The following TERF1 variants were observed in gnomAD, a reference collection of about 807,000 sequenced individuals.
TERF1 encodes telomeric repeat-binding factor 1.
A neutral mutation model predicts 55.1 loss-of-function variants in TERF1; 20 were observed. The ratio of observed to expected loss-of-function variants is 0.36; its 90% CI spans 0.26 to 0.53. The LOEUF (loss-of-function observed/expected upper bound fraction) is 0.53, where lower values mean the gene tolerates loss of function less well. TERF1 is among the 20% of genes least tolerant of loss of function. TERF1 has a pLI of 0.91. For synonymous variants in TERF1, 168 were observed against 181.2 expected, an observed-to-expected ratio of 0.93 and a Z score of 0.59; for missense variants, 439 against 535.7, an observed-to-expected ratio of 0.82 and a Z score of 1.78.
chr8:73,008,941 A>T lies in TERF1; in HGVS notation c.55A>T (p.Arg19Trp). 6.2e-7 allele frequency: 1 copy of T among 1,612,774 alleles called. No homozygotes were observed. The highest frequency in any genetic ancestry group is 8.5e-7 in the Non-Finnish European group (1 of 1,179,646). The change falls in exon 1 of 10, where the codon AGG becomes TGG. Residue 19 changes from arginine (R) to tryptophan (W), a missense_variant. By Grantham distance (101) the Arg-to-Trp change is moderately radical. Transcript: ENST00000276603. ...APSPRGCADG[R>W]DADPTEEQMA... Reference sequence around the variant, plus strand: ...GAGCCCGCGGGGCTGTGCGGATGGTAGGGATGCCGACCCTACTGAGGAGCA... The same window carrying T: ...GAGCCCGCGGGGCTGTGCGGATGGTTGGGATGCCGACCCTACTGAGGAGCA...
In TERF1 at chr8:73,034,196, A is replaced by G. The variant is rs1454258449; in HGVS notation, c.1039+2063A>G. 2.0e-5 allele frequency among the ~76,000 whole-genome samples: 3 copies of G among 152,128 alleles called. No homozygotes were observed. The East Asian group carries it at 5.8e-4, about 29-fold the overall frequency. On this transcript the variant is annotated intron_variant, in intron 8 of 9. Transcript: ENST00000276603. The stretch of plus-strand genomic sequence containing the variant: ...ACCCTGGCTGGAGTGTGGTGGATCA[A>G]TCTCGGCTCACTGCAACCTCCATTT...
At chr8:73,037,712 T>C (rs1339490394) in intron 8 of TERF1, among the ~76,000 whole-genome samples, 10 of 81,530 alleles carry the variant, frequency 1.2e-4, no homozygotes, top group Admixed American at 4.1e-4. Flanking sequence ...TATTATATTA[T>C]ATATAATATA....
intron 3 of TERF1, among the ~76,000 whole-genome samples, chr8:73,021,470 GTCTT>G (rs1808749808): frequency 6.6e-6 from 1 of 152,126 alleles, no homozygotes; most frequent in Non-Finnish European, 1.5e-5. Context: ...GAGAAAGCAA[GTCTT>G]TCTTAATACA....
At chr8:73,010,345 A>G (rs1321212587) in intron 1 of TERF1, 2 of 152,170 alleles carry the variant, frequency 1.3e-5, no homozygotes, top group Non-Finnish European at 2.9e-5. Context: ...AGCCAGGGAT[A>G]ATTAACATTA....
chr8:73,023,722 A>G (rs1808865366), intron 4 of TERF1, among the ~76,000 whole-genome samples: 2 of 152,234 alleles, frequency 1.3e-5, no homozygotes, highest in Non-Finnish European at 2.9e-5. Flanking sequence ...TTGCCTCATT[A>G]GGGCAATATT....
chr8:73,042,717 T>G (rs1809882634), intron 9 of TERF1, among the ~76,000 whole-genome samples: 1 of 152,198 alleles, frequency 6.6e-6, no homozygotes, highest in Non-Finnish European at 1.5e-5. Flanking sequence ...GCATTATTTG[T>G]TCTTTAGAAT....
intron 5 of TERF1, among the ~76,000 whole-genome samples, chr8:73,025,574 G>A (rs1233315806): frequency 4.6e-5 from 7 of 151,766 alleles, no homozygotes; most frequent in African/African-American, 1.7e-4. Context: ...CTAACATGGT[G>A]AAACCCCGTC....
rs1809034724 is a variant in TERF1, at chr8:73,026,998, C to T, written c.833C>T (p.Pro278Leu). The T allele has an allele frequency of 6.2e-7, 1 of 1,612,240 alleles. No homozygotes were observed. The highest frequency in any genetic ancestry group is 1.7e-5 in the Admixed American group (1 of 59,924). ...AGAACAATAACTTCTCAAGATAAAC[C>T]TAGTGGTAATGATGTTGAAATGGAA... Reference protein sequence around the residue: ...RTRTITSQDKPSGNDVEMETE... With the variant: ...RTRTITSQDKLSGNDVEMETE... Residue 278 changes from proline (P) to leucine (L), a missense_variant, in exon 6 of 10, where the codon CCT (proline) becomes CTT (leucine). Transcript: ENST00000276603.
intron 8 of TERF1, among the ~76,000 whole-genome samples, chr8:73,034,475 T>A (rs1905078): frequency 1.3e-5 from 2 of 151,970 alleles, no homozygotes. Context: ...ATGTTGCCCC[T>A]GCAGGTCTCT....
At chr8:73,026,898 G>A in intron 5 of TERF1, 42 bp from the exon 6 acceptor site, 2 of 1,432,788 alleles carry the variant, frequency 1.4e-6, no homozygotes, top group Non-Finnish European at 2.0e-6. Context: ...ATGGCTTAAT[G>A]CATTTCTTCC....
In TERF1 at chr8:73,009,047, C is replaced by T. The variant is rs760314774; in HGVS notation, c.161C>T (p.Pro54Leu). 8.8e-5 allele frequency: 141 copies of T among 1,608,710 alleles called. 1 individual carries two copies. The South Asian group carries it at 1.1e-3, about 13-fold the overall frequency. ...LLECQVQVGAPEEEEEEEEDA... is the reference protein window; with the variant it reads ...LLECQVQVGALEEEEEEEEDA... ...GAGTGCCAGGTGCAGGTGGGGGCCC[C>T]CGAGGAGGAGGAGGAGGAGGAGGAG... The change falls in exon 1 of 10, where the codon CCC (proline) becomes CTC (leucine). Residue 54 changes from proline to leucine, a missense_variant. Physicochemically the swap from Pro to Leu is moderately conservative, Grantham distance 98. Around this residue, in one of 4 missense-constraint regions of TERF1, gnomAD observed 179 missense variants for 152.6 expected, o/e 1.17. Transcript: ENST00000276603.
chr8:73,031,994 C>T, intron 7 of TERF1, 48 bp from the exon 8 acceptor site: 1 of 1,325,300 alleles, frequency 7.5e-7, no homozygotes, highest in Non-Finnish European at 1.1e-6. Context: ...TTTCCATTGC[C>T]TTACTATCTT....
rs1166118982 is a variant in TERF1 at position 73,037,794 on chromosome 8, AG to A, written c.1040-1321del. 2.2e-3 allele frequency among the ~76,000 whole-genome samples: 33 copies of A among 15,296 alleles called. 2 individuals are homozygous for A. Among genetic ancestry groups the A allele is most frequent in the African/African-American group, 6.1e-3 (31 of 5,090 alleles). The allele number at this position is 15,296 out of a possible 152,430, so 10.0% of individuals were successfully genotyped here. ...AATATATATATTATATATAATATAT[AG>A]TATAATAATATATATATTATATATA... On this transcript the variant is annotated intron_variant, in intron 8 of 9. Coordinates refer to ENST00000276603, the MANE Select transcript of TERF1 (RefSeq NM_017489.3).
chr8:73,022,987 C>A (rs1808833824), intron 4 of TERF1, among the ~76,000 whole-genome samples: 1 of 152,066 alleles, frequency 6.6e-6, no homozygotes, highest in African/African-American at 2.4e-5. Flanking sequence ...TATGTACATC[C>A]TCCTGTATAG....
intron 7 of TERF1, 36 bp from the exon 8 acceptor site, chr8:73,032,006 C>G (rs769135751): frequency 1.4e-6 from 2 of 1,448,820 alleles, no homozygotes; most frequent in East Asian, 4.5e-5. Flanking sequence ...TACTATCTTT[C>G]TGGAGCCAAT....
chr8:73,033,296 A>G (rs971709588), intron 8 of TERF1, among the ~76,000 whole-genome samples: 3 of 152,154 alleles, frequency 2.0e-5, no homozygotes, highest in East Asian at 1.9e-4. Context: ...GAAACTCAGT[A>G]AAGTTATGTG....
At chr8:73,024,654 A>G (rs1200551619) in intron 4 of TERF1, among the ~76,000 whole-genome samples, 168 bp from the exon 5 acceptor site, 1 of 152,158 alleles carries the variant, frequency 6.6e-6, no homozygotes, top group East Asian at 1.9e-4. Context: ...GGCCAGAAGA[A>G]GTCAGAAAAA....
chr8:73,037,483 ATT>A (rs1264560379), intron 8 of TERF1, among the ~76,000 whole-genome samples: 1 of 119,500 alleles, frequency 8.4e-6, no homozygotes, highest in Non-Finnish European at 1.7e-5. Flanking sequence ...TATTAAATAT[ATT>A]TATATATAAT....
rs748323908 is a variant in TERF1, at chr8:73,017,459, T to A, written c.416-3225T>A. On this transcript the variant is annotated intron_variant, in intron 2 of 9. Transcript: ENST00000276603. ...TCAGTGTTAGTTACTAGCATGAATA[T>A]CTTTTGTACACCTCTTTCTTACCTT... 4.3e-4 allele frequency among the ~76,000 whole-genome samples: 65 copies of A among 152,164 alleles called. 1 individual carries two copies. Among genetic ancestry groups the A allele is most frequent in the Non-Finnish European group, 4.3e-4 (29 of 68,036 alleles).
Sources: allele counts gnomAD v4.1 joint callset (sites outside exome capture counted in the v4.1 genomes callset), GRCh38; gene constraint gnomAD v4.1.1; regional missense constraint gnomAD v4.1.1; transcripts MANE v1.5; gene names NCBI Gene and HGNC (gene_info 2026-07-23, HGNC 2026-07-21).